Variants in DYSF observed in about 807,000 individuals in gnomAD.
The protein encoded by DYSF is dysferlin, also known as dystrophy-associated fer-1-like 1.
DYSF carries 212 observed loss-of-function variants against 274.9 expected under a neutral mutation model. The ratio of observed to expected loss-of-function variants is 0.77; its 90% CI spans 0.69 to 0.86. The LOEUF (loss-of-function observed/expected upper bound fraction) is 0.86. Ranked by LOEUF, DYSF falls within the 40% of genes least tolerant of loss-of-function variation. The pLI is 0.00. For synonymous variants in DYSF, 1,091 were observed against 1,078.7 expected, an observed-to-expected ratio of 1.01 and a Z score of -0.22; for missense variants, 2,666 against 2,783.2, an observed-to-expected ratio of 0.96 and a Z score of 0.95.
chr2:71,580,121 G>C (rs2092837181), intron 30 of DYSF, among the ~76,000 whole-genome samples: 1 of 152,242 alleles, frequency 6.6e-6, no homozygotes, highest in African/African-American at 2.4e-5. Flanking sequence ...TTGTGGTGGG[G>C]TCCCAGGGTG....
intron 1 of DYSF, 86 bp downstream of exon 1, chr2:71,467,019 AGCTAACCCTAGTCCAG>A: frequency 6.7e-7 from 1 of 1,503,100 alleles, no homozygotes; most frequent in Non-Finnish European, 9.0e-7. Flanking sequence ...CCTGCTCCGG[AGCTAACCCTAGTCCAG>A]GCCACAGTTT....
At chr2:71,572,172 AC>A (rs1329502117) in intron 29 of DYSF, among the ~76,000 whole-genome samples, 12 of 141,866 alleles carry the variant, frequency 8.5e-5, no homozygotes, top group Non-Finnish European at 1.4e-4. Context: ...CATGGATCAC[AC>A]CCAGCACACC....
intron 48 of DYSF, among the ~76,000 whole-genome samples, chr2:71,668,404 G>A (rs1047437909): frequency 1.3e-5 from 2 of 152,142 alleles, no homozygotes; most frequent in Non-Finnish European, 2.9e-5. Context: ...GGAGAGTGAT[G>A]TCCTGCCATG....
At chr2:71,553,295 C>T in intron 20 of DYSF, 107 bp downstream of exon 20, 1 of 1,527,004 alleles carries the variant, frequency 6.5e-7, no homozygotes. Flanking sequence ...ACTCAAAGGC[C>T]CTGGTCCTGG....
Position 71,551,661 on chromosome 2 carries a change from G to T in DYSF, c.1747G>T (p.Val583Leu), listed in dbSNP as rs1439355066. The T allele has an allele frequency of 1.9e-6, 3 of 1,611,248 alleles. No homozygotes were observed. Among genetic ancestry groups the T allele is most frequent in the Admixed American group, 1.7e-5 (1 of 59,836 alleles). The change falls in exon 19 of 56, where the codon GTG becomes TTG. Residue 583 changes from valine to leucine, a missense_variant. Val to Leu is a conservative substitution (Grantham distance 32, BLOSUM62 1). Transcript: ENST00000410020. ...RLLLSLETKL[V>L]EHSEQKVEDL... ...TCTGCTCTCCCTGGAGACCAAGCTG[G>T]TGGAGCACAGTGAACAGAAGGTGGA...
intron 17 of DYSF, among the ~76,000 whole-genome samples, chr2:71,548,496 G>T (rs1428717289): frequency 2.6e-5 from 4 of 152,230 alleles, no homozygotes; most frequent in African/African-American, 4.8e-5. Context: ...GGGAAGATCA[G>T]ATTTGGGAAG....
At chr2:71,589,846 C>T (rs549569593) in intron 31 of DYSF, among the ~76,000 whole-genome samples, 160 bp downstream of exon 31, 5 of 151,948 alleles carry the variant, frequency 3.3e-5, no homozygotes, top group Admixed American at 2.0e-4. Flanking sequence ...TGTGTGTGTG[C>T]GCGCGTGCGT....
At chr2:71,589,493 A>C in intron 30 of DYSF, 100 bp from the exon 31 acceptor site, 12 of 914,108 alleles carry the variant, frequency 1.3e-5, no homozygotes, top group Non-Finnish European at 2.2e-5. Flanking sequence ...TCGGCAGCGG[A>C]GAGATCTCCT....
At chr2:71,556,691 T>C (rs967524252) in intron 22 of DYSF, among the ~76,000 whole-genome samples, 4 of 152,238 alleles carry the variant, frequency 2.6e-5, no homozygotes, top group Non-Finnish European at 5.9e-5. Context: ...GCTATAATTA[T>C]TGCTCAGAAG....
rs375157612 is a variant in DYSF at position 71,680,993 on chromosome 2, C to G, written c.6064-8C>G. 4 of 1,613,716 alleles carry G rather than the reference C, an allele frequency of 2.5e-6. No homozygotes were observed. The highest frequency in any genetic ancestry group is 3.4e-6 in the Non-Finnish European group (4 of 1,179,858). ...GTGCCCCTAACCAAGTGCTCTCTGTCCCCTCAGGGCAAGCTGGAAATGACC... is the reference window on the plus strand; with the variant it reads ...GTGCCCCTAACCAAGTGCTCTCTGTGCCCTCAGGGCAAGCTGGAAATGACC... On this transcript the variant is annotated splice_polypyrimidine_tract_variant and splice_region_variant and intron_variant, in intron 53 of 55. Coordinates refer to ENST00000410020, the MANE Select transcript of DYSF (RefSeq NM_001130987.2).
intron 16 of DYSF, among the ~76,000 whole-genome samples, chr2:71,536,395 G>T (rs1321843507): frequency 2.0e-5 from 3 of 152,254 alleles, no homozygotes; most frequent in African/African-American, 7.2e-5. Context: ...CGCCAGGAGG[G>T]CCTGTGAGGG....
chr2:71,612,848 G>A, intron 39 of DYSF, 42 bp downstream of exon 39: 1 of 1,588,630 alleles, frequency 6.3e-7, no homozygotes, highest in Non-Finnish European at 8.6e-7. Flanking sequence ...GGAAGGGGGA[G>A]CCTCAGGGCC....
chr2:71,667,660 C>T (rs937809261), intron 48 of DYSF, 145 bp downstream of exon 48: 48 of 1,326,248 alleles, frequency 3.6e-5, no homozygotes, highest in Middle Eastern at 2.6e-4. Flanking sequence ...AGTCTGAGTG[C>T]GGCCATGGTT....
intron 42 of DYSF, among the ~76,000 whole-genome samples, chr2:71,650,441 A>AC (rs1482170572): frequency 6.6e-6 from 1 of 152,216 alleles, no homozygotes; most frequent in Admixed American, 6.5e-5. Flanking sequence ...AGATGGTGCC[A>AC]CTGCACTCCA....
rs548324778 is a variant in DYSF at position 71,512,558 on chromosome 2, C to T, written c.460+637C>T. 8.8e-4 allele frequency among the ~76,000 whole-genome samples: 134 copies of T among 152,312 alleles called. 1 individual carries two copies. The highest frequency in any genetic ancestry group is 3.2e-3 in the African/African-American group (131 of 41,578). ...ACTTGGTTCTGCCAGGCTGGTCAAGCGAGGACCCAGCCCGGGGTGGCTGGC... is the reference window on the plus strand; with the variant it reads ...ACTTGGTTCTGCCAGGCTGGTCAAGTGAGGACCCAGCCCGGGGTGGCTGGC... On this transcript the variant is annotated intron_variant, in intron 5 of 55. Coordinates refer to ENST00000410020, the MANE Select transcript of DYSF (RefSeq NM_001130987.2).
chr2:71,591,024 A>G (rs1311565057), intron 32 of DYSF, among the ~76,000 whole-genome samples: 1 of 152,204 alleles, frequency 6.6e-6, no homozygotes, highest in East Asian at 1.9e-4. Context: ...ACACTGACAG[A>G]TAACCTCCAA....
chr2:71,503,901 T>C (rs1196125384), intron 4 of DYSF, among the ~76,000 whole-genome samples: 2 of 152,222 alleles, frequency 1.3e-5, no homozygotes. Context: ...ATATACCCTG[T>C]AGGGTTCTCT....
chr2:71,606,256 T>C (rs2152866338), intron 36 of DYSF, among the ~76,000 whole-genome samples: 1 of 152,194 alleles, frequency 6.6e-6, no homozygotes, highest in Admixed American at 6.5e-5. Context: ...CTTGGGGTCT[T>C]CTTGGTCTGG....
chr2:71,667,421 G>T lies in DYSF; in HGVS notation c.5363G>T (p.Arg1788Leu), dbSNP rs531935195. The change falls in exon 48 of 56, where the codon CGT becomes CTT. Residue 1788 changes from arginine (R) to leucine (L), a missense_variant. Transcript: ENST00000410020. ...CCACACCTGGGCCCAGTGGAGGAGC[G>T]TCTGGCTCTGCATGTGCTTCAGCAG... Reference protein sequence around the residue: ...PNPHLGPVEERLALHVLQQQG... With the variant: ...PNPHLGPVEELLALHVLQQQG... 1.2e-6 allele frequency: 2 copies of T among 1,613,990 alleles called. No individual in the cohort carries two copies. The highest frequency in any genetic ancestry group is 1.7e-6 in the Non-Finnish European group (2 of 1,180,040).
Sources: gnomAD v4.1 joint callset for allele counts (sites outside exome capture counted in the v4.1 genomes callset) on GRCh38, gnomAD v4.1.1 for gene constraint, MANE v1.5 for transcripts, NCBI Gene and HGNC (gene_info 2026-07-23, HGNC 2026-07-21) for gene names.